Variants in HSP90AA1 observed in about 807,000 individuals in gnomAD.
HSP90AA1 encodes heat shock protein 90 alpha family class A member 1, also known as heat shock protein HSP 90-alpha.
HSP90AA1 carries 18 observed loss-of-function variants against 73.3 expected under a neutral mutation model. The ratio of observed to expected loss-of-function variants is 0.25; its 90% CI spans 0.17 to 0.36. The LOEUF is 0.36. HSP90AA1 is among the 10% of genes least tolerant of loss of function. The pLI is 1.00. For missense variants in HSP90AA1, 704 were observed against 874.2 expected (o/e 0.81, Z 2.45); for synonymous variants, 477 against 296.9 (o/e 1.61, Z -6.24).
At chr14:102,110,584 T>TA (rs2049627994) in intron 1 of HSP90AA1, among the ~76,000 whole-genome samples, 1 of 149,302 alleles carries the variant, frequency 6.7e-6, no homozygotes, top group African/African-American at 2.4e-5. Flanking sequence ...CATGCCCGGA[T>TA]AATTTTTTTT....
intron 1 of HSP90AA1, among the ~76,000 whole-genome samples, chr14:102,115,991 G>A (rs926698621): frequency 9.1e-5 from 13 of 143,056 alleles, no homozygotes; most frequent in South Asian, 2.2e-4. Flanking sequence ...TTGCTCTGTC[G>A]CCCAGGCTAG....
chr14:102,113,012 T>A (rs1479167685), intron 1 of HSP90AA1, among the ~76,000 whole-genome samples: 1 of 152,110 alleles, frequency 6.6e-6, no homozygotes, highest in Non-Finnish European at 1.5e-5. Context: ...GTGTCATTTG[T>A]TTTGTTTGTA....
At position 102,120,665 on chromosome 14, in the gene HSP90AA1, G is replaced by A. The variant is rs186197573; in HGVS notation, c.156-18580C>T. ...TATACAAATTTTACCTTTTTAGGCC[G>A]GGTGCGATGGCTCACACCTGTAATC... On this transcript the variant is annotated intron_variant, in intron 1 of 11. Transcript: ENST00000334701. 8.6e-5 allele frequency among the ~76,000 whole-genome samples: 13 copies of A among 151,966 alleles called. No individual in the cohort carries two copies. The East Asian group carries it at 1.7e-3, about 20-fold the overall frequency.
At chr14:102,094,838 A>G (rs948283119) in intron 2 of HSP90AA1, among the ~76,000 whole-genome samples, 2 of 151,942 alleles carry the variant, frequency 1.3e-5, no homozygotes, top group African/African-American at 4.8e-5. Context: ...ACCCGCATCC[A>G]CTCTGACCGT....
At chr14:102,089,109 C>CG (rs756847368), upstream of HSP90AA1, among the ~76,000 whole-genome samples, 44 of 152,040 alleles carry the variant, frequency 2.9e-4, no homozygotes, top group Non-Finnish European at 5.0e-4. Context: ...TTAGTAGAGA[C>CG]GGGGTTTCAC....
chr14:102,084,655 G>C, intron 5 of HSP90AA1, 26 bp downstream of exon 5: 5 of 1,614,018 alleles, frequency 3.1e-6, no homozygotes, highest in Middle Eastern at 3.3e-4. Flanking sequence ...CTAAGGACAA[G>C]CTTGAAGCAC....
At chr14:102,114,150 G>A (rs1242899003) in intron 1 of HSP90AA1, among the ~76,000 whole-genome samples, 2 of 151,898 alleles carry the variant, frequency 1.3e-5, no homozygotes. Flanking sequence ...CTAGCACACT[G>A]GGCTAATTTT....
upstream of HSP90AA1, among the ~76,000 whole-genome samples, chr14:102,090,004 C>T (rs1238433327): frequency 6.6e-6 from 1 of 152,210 alleles, no homozygotes; most frequent in African/African-American, 2.4e-5. Flanking sequence ...CCTCCCCACC[C>T]TCTGCAAATT....
At chr14:102,118,854 C>CT (rs11298881) in intron 1 of HSP90AA1, among the ~76,000 whole-genome samples, 2,345 of 107,078 alleles carry the variant, frequency 0.022, 43 homozygotes, top group Non-Finnish European at 0.023. Context: ...CTTTTCCTTC[C>CT]TTTTTTTTTT....
chr14:102,088,193 C>G (rs1222540848), upstream of HSP90AA1, among the ~76,000 whole-genome samples: 1 of 152,084 alleles, frequency 6.6e-6, no homozygotes, highest in Admixed American at 6.6e-5. Flanking sequence ...AAGCCAGTTT[C>G]TACATGGGAA....
intron 1 of HSP90AA1, among the ~76,000 whole-genome samples, chr14:102,105,986 G>T (rs1250644930): frequency 6.6e-6 from 1 of 152,096 alleles, no homozygotes; most frequent in African/African-American, 2.4e-5. Context: ...TGAGGCAGGA[G>T]AATTGCTTGA....
At chr14:102,120,730 G>A (rs1330094392) in intron 1 of HSP90AA1, among the ~76,000 whole-genome samples, 1 of 151,760 alleles carries the variant, frequency 6.6e-6, no homozygotes, top group Non-Finnish European at 1.5e-5. Flanking sequence ...ATTACCTCAG[G>A]TCAGGAGTTC....
In HSP90AA1 at chr14:102,086,258, T is replaced by C; in HGVS notation, c.121A>G (p.Lys41Glu). The change falls in exon 2 of 11, where the codon AAA becomes GAA. Residue 41 changes from lysine (K) to glutamate (E), a missense_variant. Lys to Glu is a moderately conservative substitution (Grantham distance 56). Coordinates refer to ENST00000216281, the MANE Select transcript of HSP90AA1 (RefSeq NM_005348.4). ...SLIINTFYSN[K>E]EIFLRELISN... ...ATGAGCTCTCTCAGAAAGATCTCTT[T>C]GTTCGAGTAGAAAGTATTGATGATC... 1 of 1,614,206 alleles carries C rather than the reference T, an allele frequency of 6.2e-7. No homozygotes were observed. The highest frequency in any genetic ancestry group is 8.5e-7 in the Non-Finnish European group (1 of 1,180,046).
At chr14:102,124,190 A>ATTT (rs35232557) in intron 1 of HSP90AA1, among the ~76,000 whole-genome samples, 2,994 of 128,076 alleles carry the variant, frequency 0.023, 149 homozygotes, top group Non-Finnish European at 0.025. Context: ...TTGAATGCTA[A>ATTT]TTTTTTTTTT....
intron 2 of HSP90AA1, among the ~76,000 whole-genome samples, chr14:102,099,549 C>T (rs925853409): frequency 6.6e-6 from 1 of 151,974 alleles, no homozygotes; most frequent in Non-Finnish European, 1.5e-5. Flanking sequence ...AAGAGCGGAA[C>T]TCCGTCTCAA....
At position 102,083,285 on chromosome 14, in the gene HSP90AA1, C is replaced by A; in HGVS notation, c.1504G>T (p.Val502Leu). 1 of 1,614,164 alleles carries A rather than the reference C, an allele frequency of 6.2e-7. No homozygotes were observed. The highest frequency in any genetic ancestry group is 8.5e-7 in the Non-Finnish European group (1 of 1,180,022). ...CGTTCCACAAAGGCTGAGTTAGCTA[C>A]CTGGTCCTTGGTCTCACCTGAGGTA... Reference protein sequence around the residue: ...YYITGETKDQVANSAFVERLR... With the variant: ...YYITGETKDQLANSAFVERLR... The change falls in exon 9 of 11, where the codon GTA becomes TTA. Residue 502 changes from valine to leucine, a missense_variant. Val to Leu is a conservative substitution (Grantham distance 32). Transcript: ENST00000216281.
chr14:102,084,202 A>G (rs993203476), intron 6 of HSP90AA1, 197 bp downstream of exon 6: 4 of 674,382 alleles, frequency 5.9e-6, no homozygotes, highest in Admixed American at 5.2e-5. Flanking sequence ...GCCTGCCACT[A>G]CATGGGGCTA....
At chr14:102,115,226 G>A (rs189943499) in intron 1 of HSP90AA1, among the ~76,000 whole-genome samples, 1 of 151,966 alleles carries the variant, frequency 6.6e-6, no homozygotes, top group Admixed American at 6.6e-5. Context: ...TTGAACCCGG[G>A]AGGTAGAGTG....
intron 1 of HSP90AA1, among the ~76,000 whole-genome samples, chr14:102,106,505 C>T (rs1194707749): frequency 6.7e-6 from 1 of 150,062 alleles, no homozygotes; most frequent in Non-Finnish European, 1.5e-5. Context: ...TAATGGAAAC[C>T]AGTGTGCCCG....
Sources: gnomAD v4.1 joint callset for allele counts (sites outside exome capture counted in the v4.1 genomes callset) on GRCh38, gnomAD v4.1.1 for gene constraint, MANE v1.5 for transcripts, NCBI Gene and HGNC (gene_info 2026-07-23, HGNC 2026-07-21) for gene names.